MGMT: variants seen among roughly 807,000 people sequenced by gnomAD.
MGMT encodes O-6-methylguanine-DNA methyltransferase.
A neutral mutation model predicts 15.9 loss-of-function variants in MGMT; 14 were observed. The ratio of observed to expected loss-of-function variants is 0.88; its 90% CI spans 0.58 to 1.37. The LOEUF (loss-of-function observed/expected upper bound fraction) is 1.37. Among genes scored for constraint, MGMT ranks in the 40% most tolerant of loss-of-function variants. The pLI, the probability that MGMT is intolerant of heterozygous loss-of-function variation, is 0.00. For synonymous variants in MGMT, 130 were observed against 118.2 expected (o/e 1.10, Z -0.65); for missense variants, 282 against 268.1 (o/e 1.05, Z -0.36).
chr10:129,569,291 G>C (rs1201831221), intron 2 of MGMT, among the ~76,000 whole-genome samples: 2 of 152,170 alleles, frequency 1.3e-5, no homozygotes, highest in Non-Finnish European at 2.9e-5. Flanking sequence ...GTGGGGGCGG[G>C]GGTGAGGGTG....
intron 2 of MGMT, among the ~76,000 whole-genome samples, chr10:129,650,343 C>A (rs1419677591): frequency 6.6e-6 from 1 of 152,284 alleles, no homozygotes; most frequent in East Asian, 1.9e-4. Flanking sequence ...TCCTCTAATT[C>A]ATCTTCGCCA....
chr10:129,658,278 T>C lies in MGMT; in HGVS notation c.126-49617T>C, dbSNP rs539081974. On this transcript the variant is annotated intron_variant, in intron 2 of 4. Transcript: ENST00000651593. ...CGGCACCATTAGACTAACACAGCTC[T>C]ATTATTGACTAATGACGAACAGCGT... Among the ~76,000 whole-genome samples, 18 of 152,292 alleles carry C rather than the reference T, an allele frequency of 1.2e-4. 1 individual carries two copies. Among genetic ancestry groups the C allele is most frequent in the African/African-American group, 3.8e-4 (16 of 41,582 alleles).
At chr10:129,611,489 T>A (rs566170118) in intron 2 of MGMT, among the ~76,000 whole-genome samples, 1 of 152,288 alleles carries the variant, frequency 6.6e-6, no homozygotes, top group African/African-American at 2.4e-5. Flanking sequence ...TCTCCAAGAC[T>A]GAAGATCACA....
At chr10:129,607,155 G>A (rs1846901534) in intron 2 of MGMT, among the ~76,000 whole-genome samples, 1 of 152,100 alleles carries the variant, frequency 6.6e-6, no homozygotes, top group Admixed American at 6.5e-5. Flanking sequence ...TGCAGTCCGG[G>A]CCAGCAGAAA....
chr10:129,734,637 C>G (rs1848539536), intron 3 of MGMT, among the ~76,000 whole-genome samples: 1 of 152,026 alleles, frequency 6.6e-6, no homozygotes, highest in African/African-American at 2.4e-5. Context: ...CTGTCTTGTG[C>G]CAGTTTTCAA....
chr10:129,644,730 G>A (rs1406671944), intron 2 of MGMT, among the ~76,000 whole-genome samples: 1 of 152,200 alleles, frequency 6.6e-6, no homozygotes, highest in African/African-American at 2.4e-5. Context: ...AAAAAATAAA[G>A]CTATAGCTGT....
chr10:129,763,781 CAG>C lies in MGMT; in HGVS notation c.415-3006_415-3005del, dbSNP rs1258627054. On this transcript the variant is annotated intron_variant, in intron 4 of 4. Transcript: ENST00000651593. ...GTTGTATTTGATAAAAATCATCAAT[CAG>C]GGTAAATATTCCATCCTGGAGATTT... Among the ~76,000 whole-genome samples, 6 of 152,324 alleles carry C rather than the reference CAG, an allele frequency of 3.9e-5. No individual in the cohort carries two copies. The East Asian group carries it at 1.2e-3, about 29-fold the overall frequency.
chr10:129,732,652 A>G (rs1848514231), intron 3 of MGMT, among the ~76,000 whole-genome samples: 1 of 147,778 alleles, frequency 6.8e-6, no homozygotes, highest in Admixed American at 6.8e-5. Context: ...TGTGCACTGC[A>G]CCCACTAACT....
intron 3 of MGMT, among the ~76,000 whole-genome samples, chr10:129,737,931 G>A (rs1249110090): frequency 1.3e-5 from 2 of 152,200 alleles, no homozygotes; most frequent in African/African-American, 2.4e-5. Flanking sequence ...GTAGCTGCGT[G>A]CTGGGAGAAC....
intron 2 of MGMT, among the ~76,000 whole-genome samples, chr10:129,576,334 A>G (rs1846482443): frequency 6.6e-6 from 1 of 152,172 alleles, no homozygotes; most frequent in Non-Finnish European, 1.5e-5. Context: ...AAGCTTATCC[A>G]CCATGATCAA....
At chr10:129,638,539 CA>C in intron 2 of MGMT, among the ~76,000 whole-genome samples, 1 of 147,104 alleles carries the variant, frequency 6.8e-6, no homozygotes, top group East Asian at 2.0e-4. Flanking sequence ...CAAGAACAAA[CA>C]ACACATATAA....
chr10:129,596,909 T>C (rs1040956372), intron 2 of MGMT, among the ~76,000 whole-genome samples: 10 of 152,066 alleles, frequency 6.6e-5, no homozygotes, highest in Non-Finnish European at 1.3e-4. Context: ...ATGAGGCATA[T>C]ACAGACACTG....
At chr10:129,578,853 G>A (rs1291235829) in intron 2 of MGMT, among the ~76,000 whole-genome samples, 1 of 152,168 alleles carries the variant, frequency 6.6e-6, no homozygotes, top group Non-Finnish European at 1.5e-5. Context: ...AGTACAAATA[G>A]TTTTAAAAGT....
At position 129,728,172 on chromosome 10, in the gene MGMT, A is replaced by G. The variant is rs538760385; in HGVS notation, c.274+20129A>G. ...AGCACCAGGGGACAAGGGGGACCTG[A>G]AGCAGCTGTGACCGTGGATGGCAGG... On this transcript the variant is annotated intron_variant, in intron 3 of 4. Transcript: ENST00000651593. Among the ~76,000 whole-genome samples, 43 of 152,158 alleles carry G rather than the reference A, an allele frequency of 2.8e-4. 1 individual carries two copies. The highest frequency in any genetic ancestry group is 5.4e-4 in the Non-Finnish European group (37 of 68,020).
At chr10:129,713,245 A>G (rs1289020521) in intron 3 of MGMT, among the ~76,000 whole-genome samples, 2 of 152,128 alleles carry the variant, frequency 1.3e-5, no homozygotes, top group East Asian at 1.9e-4. Flanking sequence ...TTGCTGAGAT[A>G]TTACCTGGTG....
At chr10:129,638,421 C>A (rs1185935121) in intron 2 of MGMT, among the ~76,000 whole-genome samples, 45 of 45,162 alleles carry the variant, frequency 1.0e-3, no homozygotes, top group Non-Finnish European at 1.5e-3. Flanking sequence ...AAGAGAGGAC[C>A]AAAGAGGCAA....
intron 2 of MGMT, among the ~76,000 whole-genome samples, chr10:129,691,906 G>A (rs1216666513): frequency 6.6e-6 from 1 of 152,180 alleles, no homozygotes; most frequent in Non-Finnish European, 1.5e-5. Context: ...AGAGTTTGGT[G>A]CCTGCCACTT....
intron 2 of MGMT, among the ~76,000 whole-genome samples, chr10:129,570,484 A>G (rs184694364): frequency 5.3e-5 from 8 of 152,376 alleles, no homozygotes; most frequent in Admixed American, 1.3e-4. Flanking sequence ...GGGACCTACA[A>G]AGTCTATTTT....
intron 2 of MGMT, among the ~76,000 whole-genome samples, chr10:129,618,786 GTAT>G (rs1847058091): frequency 1.9e-5 from 1 of 52,650 alleles, no homozygotes; most frequent in Non-Finnish European, 6.1e-5. Context: ...TCAATTCCCA[GTAT>G]TTCTTTGCTA....
Sources: allele counts gnomAD v4.1 joint callset (sites outside exome capture counted in the v4.1 genomes callset), GRCh38; gene constraint gnomAD v4.1.1; transcripts MANE v1.5; gene names NCBI Gene and HGNC (gene_info 2026-07-23, HGNC 2026-07-21).